Variants in PBX3 observed in about 807,000 individuals in gnomAD.
PBX3 encodes pre-B-cell leukemia transcription factor 3.
PBX3 carries 14 observed loss-of-function variants against 48.5 expected under a neutral mutation model. The observed-to-expected ratio is 0.29, with a 90% confidence interval of 0.19 to 0.45. The LOEUF (loss-of-function observed/expected upper bound fraction) is 0.45, where lower values mean the gene tolerates loss of function less well. PBX3 is among the 20% of genes least tolerant of loss of function. PBX3 has a pLI of 1.00. For missense variants in PBX3, 386 were observed against 546.7 expected (o/e 0.71, Z 2.93); for synonymous variants, 210 against 200.3 (o/e 1.05, Z -0.41).
chr9:125,751,631 G>T (rs1011868028), intron 2 of PBX3, among the ~76,000 whole-genome samples: 6 of 152,142 alleles, frequency 3.9e-5, no homozygotes, highest in Admixed American at 3.3e-4. Context: ...TTGTTGAATT[G>T]TGATATTTGT....
chr9:125,750,368 A>G (rs1173456719), intron 2 of PBX3, among the ~76,000 whole-genome samples: 2 of 152,182 alleles, frequency 1.3e-5, no homozygotes, highest in Non-Finnish European at 2.9e-5. Context: ...CTTGAGAACT[A>G]AACCCAGCAA....
chr9:125,780,279 C>A (rs1300567021), intron 2 of PBX3, among the ~76,000 whole-genome samples: 52 of 82,778 alleles, frequency 6.3e-4, no homozygotes, highest in East Asian at 2.4e-3. Context: ...GTGGCTGGCC[C>A]GGCAGAGGGG....
chr9:125,767,335 A>G (rs1018161347), intron 2 of PBX3, among the ~76,000 whole-genome samples: 1 of 152,136 alleles, frequency 6.6e-6, no homozygotes, highest in Non-Finnish European at 1.5e-5. Flanking sequence ...CTTCATGAAA[A>G]CCATTAAGAC....
Position 125,929,850 on chromosome 9 carries a change from G to A in PBX3, c.707+5G>A, listed in dbSNP as rs748605489. On this transcript the variant is annotated splice_donor_5th_base_variant and intron_variant, in intron 4 of 8. Coordinates refer to ENST00000373489, the MANE Select transcript of PBX3 (RefSeq NM_006195.6). ...ATCAAGGTTCCTTGATGCCAGGTAT[G>A]TGAAGCCATAAATCTATTGCATGGC... The A allele has an allele frequency of 2.4e-5, 39 of 1,607,400 alleles. No individual in the cohort carries two copies. Among genetic ancestry groups the A allele is most frequent in the Non-Finnish European group, 3.3e-5 (39 of 1,174,240 alleles).
chr9:125,773,641 G>T (rs1836997982), intron 2 of PBX3, among the ~76,000 whole-genome samples: 1 of 152,176 alleles, frequency 6.6e-6, no homozygotes, highest in African/African-American at 2.4e-5. Context: ...GAAAACAAGG[G>T]CGTCTGTTTC....
chr9:125,902,090 T>A (rs1243510502), intron 2 of PBX3, among the ~76,000 whole-genome samples: 3 of 151,528 alleles, frequency 2.0e-5, no homozygotes, highest in Non-Finnish European at 4.4e-5. Flanking sequence ...GTTTTTTTTT[T>A]AAGAGAAATG....
chr9:125,876,673 G>A (rs1251872746), intron 2 of PBX3, among the ~76,000 whole-genome samples: 2 of 152,130 alleles, frequency 1.3e-5, no homozygotes, highest in Non-Finnish European at 2.9e-5. Context: ...AGTTTTTGGG[G>A]AGTCAAAGTT....
intron 5 of PBX3, among the ~76,000 whole-genome samples, chr9:125,955,059 T>A (rs1588337565): frequency 6.6e-6 from 1 of 152,196 alleles, no homozygotes; most frequent in Admixed American, 6.5e-5. Context: ...CATGATTTTT[T>A]AAAATTAATT....
At chr9:125,813,279 T>G (rs61663799) in intron 2 of PBX3, among the ~76,000 whole-genome samples, 5,402 of 152,260 alleles carry the variant, frequency 0.035, 328 homozygotes, top group African/African-American at 0.12. Flanking sequence ...TTTTAATTTT[T>G]TTTTGTTAAA....
Position 125,902,032 on chromosome 9 carries a change from T to A in PBX3, c.275-13654T>A, listed in dbSNP as rs145890258. Among the ~76,000 whole-genome samples, 1,511 of 151,734 alleles carry A rather than the reference T, an allele frequency of 1.0e-2. 33 individuals are homozygous for A. The highest frequency in any genetic ancestry group is 0.033 in the African/African-American group (1,365 of 41,472). On this transcript the variant is annotated intron_variant, in intron 2 of 8. Coordinates refer to ENST00000373489, the MANE Select transcript of PBX3 (RefSeq NM_006195.6). ...TGTTTCTTGAAGAAGCTGCTTTTTT[T>A]AAAAATGTATCTTTTAGATACCTAT...
At chr9:125,895,556 T>G (rs1840750483) in intron 2 of PBX3, among the ~76,000 whole-genome samples, 1 of 152,074 alleles carries the variant, frequency 6.6e-6, no homozygotes, top group Non-Finnish European at 1.5e-5. Context: ...TTGGTTTTTA[T>G]ACTAGTTTCC....
intron 2 of PBX3, among the ~76,000 whole-genome samples, chr9:125,780,627 T>G (rs1266734563): frequency 2.8e-5 from 3 of 108,398 alleles, no homozygotes; most frequent in Admixed American, 8.9e-5. Flanking sequence ...ACGGGGCGGC[T>G]GGCCGGGCGG....
intron 5 of PBX3, among the ~76,000 whole-genome samples, chr9:125,953,321 A>G (rs954968319): frequency 3.3e-5 from 5 of 152,100 alleles, no homozygotes; most frequent in African/African-American, 7.2e-5. Flanking sequence ...TACAAAATAC[A>G]TAAAAATTAG....
chr9:125,965,987 A>G lies in PBX3; in HGVS notation c.*64A>G, dbSNP rs1233564927. 2.4e-6 allele frequency: 3 copies of G among 1,239,378 alleles called. No individual in the cohort carries two copies. In the African/African-American group the frequency reaches 4.4e-5, roughly 18 times the overall value. 76.8% of individuals were successfully genotyped at this position (1,239,378 alleles called of 1,614,324 possible). A position where few individuals can be genotyped will look rare whatever the true frequency, so the allele number is the denominator to read the frequency against. ...AAGTGCATTCAGAGCAATAGGAGGA[A>G]AAGGAAAGCGTTTTTGTAGCCCACC... On this transcript the variant is annotated 3_prime_UTR_variant, in exon 9 of 9. Transcript: ENST00000373489.
At chr9:125,833,984 A>T (rs1588198855) in intron 2 of PBX3, among the ~76,000 whole-genome samples, 2 of 152,346 alleles carry the variant, frequency 1.3e-5, no homozygotes, top group Middle Eastern at 3.4e-3. Context: ...TTCCAATTTC[A>T]GTTTAACTTT....
intron 2 of PBX3, among the ~76,000 whole-genome samples, chr9:125,764,004 C>T (rs1350501379): frequency 1.3e-5 from 2 of 152,178 alleles, no homozygotes; most frequent in Non-Finnish European, 2.9e-5. Flanking sequence ...CATTTCCCTT[C>T]ATGTCAGAAT....
chr9:125,836,324 A>G (rs1303699045), intron 2 of PBX3, among the ~76,000 whole-genome samples: 2 of 152,198 alleles, frequency 1.3e-5, no homozygotes, highest in Non-Finnish European at 2.9e-5. Flanking sequence ...GGGTGCCTGT[A>G]GTCCCAGCTA....
chr9:125,932,656 G>A (rs1412731688), intron 4 of PBX3, among the ~76,000 whole-genome samples: 1 of 152,192 alleles, frequency 6.6e-6, no homozygotes, highest in African/African-American at 2.4e-5. Context: ...AAAGCATTAT[G>A]TAACAAAGAT....
chr9:125,927,242 T>C (rs1841598057), intron 3 of PBX3, among the ~76,000 whole-genome samples: 1 of 152,248 alleles, frequency 6.6e-6, no homozygotes, highest in Admixed American at 6.5e-5. Context: ...GGTATGTATA[T>C]TGCATAATTC....
Sources: gnomAD v4.1 joint callset for allele counts (sites outside exome capture counted in the v4.1 genomes callset) on GRCh38, gnomAD v4.1.1 for gene constraint, MANE v1.5 for transcripts, NCBI Gene and HGNC (gene_info 2026-07-23, HGNC 2026-07-21) for gene names.